NR2F6: variants seen among roughly 807,000 people sequenced by gnomAD.
The protein encoded by NR2F6 is ERBA-related gene-2.
In NR2F6, 16 loss-of-function variants were observed where a neutral mutation model predicts 26.5. The ratio of observed to expected loss-of-function variants is 0.60; its 90% CI spans 0.41 to 0.92. The LOEUF (loss-of-function observed/expected upper bound fraction) is 0.92, where lower values mean the gene tolerates loss of function less well. Among genes scored for constraint, NR2F6 ranks in the 40% least tolerant of loss-of-function variants. The probability of loss-of-function intolerance (pLI) is 0.00; values close to 1 mark genes in which losing one functional copy is unlikely to be tolerated. For missense variants in NR2F6, 536 were observed against 631.7 expected, an observed-to-expected ratio of 0.85 and a Z score of 1.62; for synonymous variants, 325 against 305.0, an observed-to-expected ratio of 1.07 and a Z score of -0.68.
intron 2 of NR2F6, among the ~76,000 whole-genome samples, chr19:17,238,121 G>A (rs1297485232): frequency 1.3e-5 from 2 of 152,126 alleles, no homozygotes; most frequent in Non-Finnish European, 2.9e-5. Flanking sequence ...GACAGAGTGA[G>A]ACCCCGTCTC....
At chr19:17,232,885 C>A (rs2073415725) in intron 3 of NR2F6, among the ~76,000 whole-genome samples, 1 of 152,178 alleles carries the variant, frequency 6.6e-6, no homozygotes, top group South Asian at 2.1e-4. Flanking sequence ...CAGTAGCTCA[C>A]GCCTGTAATC....
Position 17,240,779 on chromosome 19 carries a change from G to C in NR2F6, c.279-14C>G, listed in dbSNP as rs368803559. ...TCACGGTTGGACCTGGGGGCACACA[G>C]AAGCCAGGGCTCCCTGAGACCCCCA... On this transcript the variant is annotated splice_polypyrimidine_tract_variant and intron_variant, in intron 1 of 3. Transcript: ENST00000291442. 4.6e-4 allele frequency: 745 copies of C among 1,613,092 alleles called. 1 individual carries two copies. Among genetic ancestry groups the C allele is most frequent in the South Asian group, 6.5e-4 (59 of 90,982 alleles).
Position 17,235,392 on chromosome 19 carries a change from G to A in NR2F6, c.940+107C>T. The A allele has an allele frequency of 3.3e-6, 5 of 1,492,922 alleles. No homozygotes were observed. Among genetic ancestry groups the A allele is most frequent in the Non-Finnish European group, 4.4e-6 (5 of 1,127,414 alleles). 92.5% of individuals were successfully genotyped at this position (1,492,922 alleles called of 1,614,324 possible). A position where few individuals can be genotyped will look rare whatever the true frequency, so the allele number is the denominator to read the frequency against. Reference sequence around the variant, plus strand: ...CGGCGCGTGCAGGGCCCCAGGCCTAGGGAGCGAGCGGGGCGCTATGGGGGC... The same window carrying A: ...CGGCGCGTGCAGGGCCCCAGGCCTAAGGAGCGAGCGGGGCGCTATGGGGGC... On this transcript the variant is annotated intron_variant, in intron 3 of 3. Coordinates refer to ENST00000291442, the MANE Select transcript of NR2F6 (RefSeq NM_005234.4). The surrounding 1 kb of genome is among the most constrained non-coding windows in gnomAD (Gnocchi z 5.0).
chr19:17,244,442 G>T (rs1275177828), intron 1 of NR2F6: 1 of 152,554 alleles, frequency 6.6e-6, no homozygotes, highest in Non-Finnish European at 1.5e-5. Context: ...CGCCTCCGTA[G>T]CCACAGCGAC....
At chr19:17,234,549 A>T (rs751332581) in intron 3 of NR2F6, among the ~76,000 whole-genome samples, 1 of 152,132 alleles carries the variant, frequency 6.6e-6, no homozygotes, top group Non-Finnish European at 1.5e-5. Flanking sequence ...CTCCCAGGAG[A>T]CAGGCTGGAG....
In NR2F6 at chr19:17,235,672, G is replaced by T; in HGVS notation, c.767C>A (p.Thr256Lys). The T allele has an allele frequency of 6.6e-7, 1 of 1,509,312 alleles. No homozygotes were observed. The highest frequency in any genetic ancestry group is 8.8e-7 in the Non-Finnish European group (1 of 1,137,928). The allele number at this position is 1,509,312 out of a possible 1,614,324, so 93.5% of individuals were successfully genotyped here. Residue 256 changes from threonine to lysine, a missense_variant, in exon 3 of 4, where the codon ACG becomes AAG. Physicochemically the swap from Thr to Lys is moderately conservative, Grantham distance 78 (BLOSUM62 -1). Coordinates refer to ENST00000291442, the MANE Select transcript of NR2F6 (RefSeq NM_005234.4). This position sits in a 1 kb window ranked among gnomAD's most constrained non-coding sequence, Gnocchi z 5.0. ...GCCGGCGGCGGCCAGTAGCGGCGCC[G>T]TGTGCAGGGGCAGCGCCGCCTGCGC... ...NAAQAALPLHTAPLLAAAGLH... is the reference protein window; with the variant it reads ...NAAQAALPLHKAPLLAAAGLH...
At chr19:17,240,905 A>G in intron 1 of NR2F6, 140 bp from the exon 2 acceptor site, 1 of 730,226 alleles carries the variant, frequency 1.4e-6, no homozygotes, top group Non-Finnish European at 2.2e-6. Context: ...CCAAAGGGGT[A>G]CAGGAGCTCA....
chr19:17,244,566 AG>A (rs1324602137), intron 1 of NR2F6: 1 of 228,436 alleles, frequency 4.4e-6, no homozygotes. Flanking sequence ...GATTCCCTCG[AG>A]GGCATCCCGC....
intron 1 of NR2F6, chr19:17,244,212 G>A (rs896118625): frequency 6.6e-6 from 1 of 152,290 alleles, no homozygotes; most frequent in African/African-American, 2.4e-5. Context: ...ATTTTTCCAG[G>A]AGCCCCAGGT....
At chr19:17,237,969 G>C (rs28551090) in intron 2 of NR2F6, among the ~76,000 whole-genome samples, 14,476 of 152,026 alleles carry the variant, frequency 0.095, 776 homozygotes, top group African/African-American at 0.14. Flanking sequence ...GCGAGACCCC[G>C]TCTCTACAAA....
chr19:17,239,801 G>A (rs1302641500), intron 2 of NR2F6, among the ~76,000 whole-genome samples: 2 of 151,836 alleles, frequency 1.3e-5, no homozygotes, highest in African/African-American at 4.8e-5. Flanking sequence ...CCTGGAAGAT[G>A]GAGCGAGACT....
chr19:17,241,118 G>T (rs577752049), intron 1 of NR2F6, among the ~76,000 whole-genome samples: 1 of 152,206 alleles, frequency 6.6e-6, no homozygotes, highest in Non-Finnish European at 1.5e-5. Flanking sequence ...ACACAAATAT[G>T]GAGGCCTAAA....
chr19:17,242,090 G>A (rs977959207), intron 1 of NR2F6, among the ~76,000 whole-genome samples: 15 of 151,910 alleles, frequency 9.9e-5, no homozygotes, highest in South Asian at 2.1e-4. Context: ...AGGCCGAGGC[G>A]GGCGGATCAC....
chr19:17,240,566 A>G (rs1403293933), intron 2 of NR2F6, 105 bp downstream of exon 2: 1 of 1,079,090 alleles, frequency 9.3e-7, no homozygotes, highest in Admixed American at 2.0e-5. Context: ...ACCCCTGTGA[A>G]AGGGAGGGGT....
chr19:17,232,021 C>T lies in NR2F6; in HGVS notation c.*331G>A. ...AGCAGCCCCTCTGGCCGACGCCAGG[C>T]CTTTGTCCATCATGCCAGGGAAGCC... is the stretch of plus-strand genomic sequence containing the variant. On this transcript the variant is annotated 3_prime_UTR_variant, in exon 4 of 4. Coordinates refer to ENST00000291442, the MANE Select transcript of NR2F6 (RefSeq NM_005234.4). 1 of 342,394 alleles carries T rather than the reference C, an allele frequency of 2.9e-6. No homozygotes were observed. The highest frequency in any genetic ancestry group is 2.2e-5 in the African/African-American group (1 of 46,394). The allele number at this position is 342,394 out of a possible 1,614,324, so 21.2% of individuals were successfully genotyped here.
intron 2 of NR2F6, 77 bp downstream of exon 2, chr19:17,240,594 G>C: frequency 6.8e-7 from 1 of 1,478,938 alleles, no homozygotes; most frequent in Non-Finnish European, 9.4e-7. Flanking sequence ...AGGGGAAAAA[G>C]GGGAGGAAGA....
chr19:17,245,329 G>C lies in NR2F6; in HGVS notation c.-109C>G. ...GCGCATTCGGCCCCGGCGCGCGGGG[G>C]GCACGGGCTGCACCCCCCAAAAAAG... On this transcript the variant is annotated 5_prime_UTR_variant, in exon 1 of 4. Coordinates refer to ENST00000291442, the MANE Select transcript of NR2F6 (RefSeq NM_005234.4). The surrounding 1 kb of genome is among the most constrained non-coding windows in gnomAD (Gnocchi z 5.0). The C allele has an allele frequency of 1.0e-6, 1 of 968,260 alleles. No homozygotes were observed. The highest frequency in any genetic ancestry group is 1.3e-6 in the Non-Finnish European group (1 of 767,082). 60.0% of individuals were successfully genotyped at this position (968,260 alleles called of 1,614,324 possible). A position where few individuals can be genotyped will look rare whatever the true frequency, so the allele number is the denominator to read the frequency against.
chr19:17,232,544 C>A lies in NR2F6; in HGVS notation c.1023G>T (p.Ala341=), dbSNP rs369918989. The part of the protein sequence containing the change: ...AQVALTEYVR[A]QYPSQPQRFG... ...AGCGCTGGGGCTGGGACGGGTACTG[C>A]GCCCGCACATACTCGGTGAGGGCCA... Residue 341 remains alanine (A), a synonymous_variant, in exon 4 of 4, where the codon GCG becomes GCT. Transcript: ENST00000291442. The A allele has an allele frequency of 6.2e-7, 1 of 1,604,694 alleles. No individual in the cohort carries two copies. The highest frequency in any genetic ancestry group is 2.2e-5 in the East Asian group (1 of 44,722).
chr19:17,234,808 G>A (rs1410646042), intron 3 of NR2F6, among the ~76,000 whole-genome samples: 1 of 152,150 alleles, frequency 6.6e-6, no homozygotes, highest in Non-Finnish European at 1.5e-5. Context: ...GCAGTGAACC[G>A]TGTTCGGACA....
Sources: allele counts gnomAD v4.1 joint callset (sites outside exome capture counted in the v4.1 genomes callset), GRCh38; gene constraint gnomAD v4.1.1; non-coding constraint Gnocchi (gnomAD v3.1); transcripts MANE v1.5; gene names NCBI Gene and HGNC (gene_info 2026-07-23, HGNC 2026-07-21).